Variants in RNF19A observed in about 807,000 individuals in gnomAD.
RNF19A encodes E3 ubiquitin-protein ligase RNF19A.
RNF19A carries 32 observed loss-of-function variants against 75.7 expected under a neutral mutation model. The ratio of observed to expected loss-of-function variants is 0.42; its 90% confidence interval spans 0.32 to 0.57. RNF19A has a LOEUF of 0.57. Ranked by LOEUF, RNF19A falls within the 20% of genes least tolerant of loss-of-function variation. The probability of loss-of-function intolerance (pLI) is 0.10; values close to 1 mark genes in which losing one functional copy is unlikely to be tolerated. For synonymous variants in RNF19A, 335 were observed against 345.2 expected (o/e 0.97, Z 0.33); for missense variants, 782 against 1,036.3 (o/e 0.75, Z 3.37).
chr8:100,302,712 C>T (rs1821890321), intron 1 of RNF19A, among the ~76,000 whole-genome samples: 1 of 152,000 alleles, frequency 6.6e-6, no homozygotes, highest in Admixed American at 6.6e-5. Flanking sequence ...GAGGCGAATC[C>T]AGTAAAGGAG....
chr8:100,290,939 T>C (rs1821264119), intron 1 of RNF19A, among the ~76,000 whole-genome samples: 1 of 152,156 alleles, frequency 6.6e-6, no homozygotes, highest in Non-Finnish European at 1.5e-5. Context: ...TGCCTCACAC[T>C]GGGTAAATCC....
intron 1 of RNF19A, among the ~76,000 whole-genome samples, chr8:100,292,085 A>C (rs1405345386): frequency 2.0e-5 from 3 of 151,832 alleles, no homozygotes; most frequent in African/African-American, 7.3e-5. Flanking sequence ...TCTATACTCA[A>C]GTGAAACTGT....
At position 100,332,839 on chromosome 8, in the gene RNF19A, T is replaced by G. The variant is rs1302270595; in HGVS notation, c.-243+3269A>C. ...CTTTGCCCATTTTCCTATTAGGATG[T>G]TGACCATTATTGATTGGTACAAGCT... On this transcript the variant is annotated intron_variant, in intron 1 of 3. Coordinates refer to the RNF19A transcript ENST00000519527. The surrounding 1 kb of genome is among the most constrained non-coding windows in gnomAD (Gnocchi z 4.8). 6.6e-6 allele frequency among the ~76,000 whole-genome samples: 1 copy of G among 152,240 alleles called. No homozygotes were observed. Among genetic ancestry groups the G allele is most frequent in the African/African-American group, 2.4e-5 (1 of 41,476 alleles).
chr8:100,309,420 C>A (rs1822199752), intron 1 of RNF19A: 1 of 985,560 alleles, frequency 1.0e-6, no homozygotes, highest in Non-Finnish European at 1.2e-6. Flanking sequence ...TTTCACCCGT[C>A]AGGAATGCGT....
chr8:100,288,575 T>C (rs1821141489), intron 1 of RNF19A, among the ~76,000 whole-genome samples: 1 of 152,212 alleles, frequency 6.6e-6, no homozygotes, highest in Admixed American at 6.5e-5. Flanking sequence ...TTGTTGTTTA[T>C]AACTGACCAT....
intron 1 of RNF19A, among the ~76,000 whole-genome samples, chr8:100,328,483 T>C (rs1279681159): frequency 6.6e-6 from 1 of 152,000 alleles, no homozygotes; most frequent in African/African-American, 2.4e-5. Flanking sequence ...GTTTGCTTTT[T>C]TTTTTTGAGA....
At position 100,327,245 on chromosome 8, in the gene RNF19A, C is replaced by CTTTTTTTTT. The variant is rs71303441; in HGVS notation, c.-243+8854_-243+8862dup. On this transcript the variant is annotated intron_variant, in intron 1 of 3. Transcript: ENST00000519527. ...TTCTTATAAAATTCAGCAATTACTT[C>CTTTTTTTTT]TTTTTTTTTTTTTTTTTTTTTTTTG... Among the ~76,000 whole-genome samples, 124 of 75,862 alleles carry CTTTTTTTTT rather than the reference C, an allele frequency of 1.6e-3. 6 individuals carry two copies. Among genetic ancestry groups the CTTTTTTTTT allele is most frequent in the Admixed American group, 2.7e-3 (15 of 5,534 alleles). 49.8% of individuals were successfully genotyped at this position (75,862 alleles called of 152,430 possible).
intron 1 of RNF19A, among the ~76,000 whole-genome samples, chr8:100,304,066 C>G (rs568750968): frequency 1.1e-4 from 16 of 152,278 alleles, no homozygotes; most frequent in Admixed American, 1.0e-3. Flanking sequence ...GAGCAATTCT[C>G]CTGCCTCAGC....
chr8:100,316,905 CGG>C (rs1822387504), intron 1 of RNF19A, among the ~76,000 whole-genome samples: 1 of 152,216 alleles, frequency 6.6e-6, no homozygotes, highest in Non-Finnish European at 1.5e-5. Flanking sequence ...GCTGCAGGTC[CGG>C]AGCCCTGCCC....
At chr8:100,297,507 T>C (rs191489993) in intron 1 of RNF19A, among the ~76,000 whole-genome samples, 1 of 152,352 alleles carries the variant, frequency 6.6e-6, no homozygotes, top group Admixed American at 6.5e-5. Context: ...GGCCACATTA[T>C]TAGTCCTGGC....
upstream of RNF19A, chr8:100,309,981 G>A (rs1363565289): frequency 4.1e-6 from 4 of 985,572 alleles, no homozygotes; most frequent in Non-Finnish European, 4.8e-6. Flanking sequence ...ATGCGCCGAG[G>A]CGCCTCTCAA....
chr8:100,292,424 G>C (rs973036068), intron 1 of RNF19A, among the ~76,000 whole-genome samples: 4 of 143,868 alleles, frequency 2.8e-5, no homozygotes, highest in Admixed American at 2.8e-4. Context: ...AAAGAGGCTT[G>C]CTATCATATG....
Position 100,288,256 on chromosome 8 carries a change from A to G in RNF19A, c.-82T>C. 7.1e-7 allele frequency: 1 copy of G among 1,400,728 alleles called. No individual in the cohort carries two copies. The highest frequency in any genetic ancestry group is 9.3e-7 in the Non-Finnish European group (1 of 1,077,420). The allele number at this position is 1,400,728 out of a possible 1,614,324, so 86.8% of individuals were successfully genotyped here. ...AAAGTTCGATTTACAGAAGACTGCT[A>G]TCATGGATGTTCTGAAAAATAAAAA... On this transcript the variant is annotated 5_prime_UTR_variant, in exon 2 of 10. Transcript: ENST00000341084.
intron 3 of RNF19A, among the ~76,000 whole-genome samples, chr8:100,272,781 C>T (rs191117727): frequency 3.1e-4 from 47 of 152,168 alleles, no homozygotes; most frequent in Non-Finnish European, 5.6e-4. Context: ...AACTTCTGAG[C>T]TCAAGCAATC....
rs543308985 is a variant in RNF19A, at chr8:100,276,320, A to G, written c.675-1159T>C. 2.0e-5 allele frequency among the ~76,000 whole-genome samples: 3 copies of G among 152,362 alleles called. No individual in the cohort carries two copies. In the South Asian group the frequency reaches 6.2e-4, roughly 32 times the overall value. On this transcript the variant is annotated intron_variant, in intron 2 of 9. Transcript: ENST00000341084. The stretch of plus-strand genomic sequence containing the variant: ...CTTCAGAGAATTACACCGAGTGAAA[A>G]AAGTCAATCTCAAAATGTTACATAC...
chr8:100,308,275 G>A (rs1464544015), intron 1 of RNF19A, among the ~76,000 whole-genome samples: 1 of 152,012 alleles, frequency 6.6e-6, no homozygotes, highest in Non-Finnish European at 1.5e-5. Flanking sequence ...ATTTTATACA[G>A]TAATTTAAAA....
At position 100,257,566 on chromosome 8, in the gene RNF19A, T is replaced by TA. The variant is rs1188318062; in HGVS notation, c.*989dup. 4 of 154,834 alleles carry TA rather than the reference T, an allele frequency of 2.6e-5. No homozygotes were observed. Among genetic ancestry groups the TA allele is most frequent in the African/African-American group, 9.6e-5 (4 of 41,578 alleles). 9.6% of individuals were successfully genotyped at this position (154,834 alleles called of 1,614,324 possible). The stretch of plus-strand genomic sequence containing the variant: ...GCATGTGTTAAAAACTGAGGTTATG[T>TA]AAAGTTATTCACTAAAGCCTGAGTG... On this transcript the variant is annotated 3_prime_UTR_variant, in exon 10 of 10. Coordinates refer to ENST00000341084, the MANE Select transcript of RNF19A (RefSeq NM_183419.4).
chr8:100,328,252 G>GGTACTTAGGACCTC (rs1473261636), intron 1 of RNF19A, among the ~76,000 whole-genome samples: 10 of 152,162 alleles, frequency 6.6e-5, no homozygotes, highest in African/African-American at 2.4e-4. Flanking sequence ...AGACCCTCAA[G>GGTACTTAGGACCTC]GTACTTAGGA....
At chr8:100,289,755 G>A (rs935440672) in intron 1 of RNF19A, among the ~76,000 whole-genome samples, 2 of 152,156 alleles carry the variant, frequency 1.3e-5, no homozygotes, top group Non-Finnish European at 2.9e-5. Flanking sequence ...GGAACACAGA[G>A]ATGCCCTATT....
Sources: gnomAD v4.1 joint callset for allele counts (sites outside exome capture counted in the v4.1 genomes callset) on GRCh38, gnomAD v4.1.1 for gene constraint, Gnocchi (gnomAD v3.1) non-coding constraint, MANE v1.5 for transcripts, NCBI Gene and HGNC (gene_info 2026-07-23, HGNC 2026-07-21) for gene names.